The following NRG1 variants were observed in gnomAD, a reference collection of about 807,000 sequenced individuals.
NRG1 encodes neuregulin 1.
NRG1 carries 18 observed loss-of-function variants against 63.8 expected under a neutral mutation model. That is an observed-to-expected ratio of 0.28 (90% CI 0.19 to 0.42). NRG1 has a LOEUF of 0.42. NRG1 is among the 10% of genes least tolerant of loss of function. The pLI, the probability that NRG1 is intolerant of heterozygous loss-of-function variation, is 1.00. For missense variants in NRG1, 762 were observed against 814.7 expected (o/e 0.94, Z 0.79); for synonymous variants, 302 against 301.3 (o/e 1.00, Z -0.02).
chr8:32,032,848 G>A (rs552576057), intron 1 of NRG1, among the ~76,000 whole-genome samples: 42 of 152,070 alleles, frequency 2.8e-4, no homozygotes, highest in African/African-American at 1.0e-3. Context: ...AAATCTTTGT[G>A]CCCATGTCCT....
intron 5 of NRG1, among the ~76,000 whole-genome samples, chr8:32,628,373 C>A (rs1019014180): frequency 6.6e-6 from 1 of 152,094 alleles, no homozygotes; most frequent in Non-Finnish European, 1.5e-5. Flanking sequence ...AATTTCACCT[C>A]CCTAATGTTC....
At chr8:32,175,406 C>T (rs1840597009) in intron 1 of NRG1, among the ~76,000 whole-genome samples, 2 of 152,152 alleles carry the variant, frequency 1.3e-5, no homozygotes, top group Non-Finnish European at 2.9e-5. Context: ...GAAGCATTCC[C>T]TTTGAAAACT....
chr8:32,559,255 A>C lies in NRG1; in HGVS notation c.100+10429A>C, dbSNP rs952930358. On this transcript the variant is annotated intron_variant, in intron 1 of 11. Coordinates refer to ENST00000356819, the Ensembl canonical transcript of NRG1. ...TCTCACTCTAAAATGTAAAAAAAAA[A>C]AAAAAAAATCACTACTCAGACCTTA... Among the ~76,000 whole-genome samples the C allele has an allele frequency of 4.0e-4, 60 of 150,400 alleles. 1 individual carries two copies. Among genetic ancestry groups the C allele is most frequent in the African/African-American group, 1.4e-3 (58 of 41,092 alleles).
chr8:31,681,392 A>G (rs533896770), intron 1 of NRG1, among the ~76,000 whole-genome samples: 2 of 151,408 alleles, frequency 1.3e-5, no homozygotes, highest in Non-Finnish European at 3.0e-5. Context: ...AAAAGAGAAA[A>G]CACAAATGGC....
At chr8:31,985,902 A>G (rs896897316) in intron 1 of NRG1, among the ~76,000 whole-genome samples, 1 of 152,138 alleles carries the variant, frequency 6.6e-6, no homozygotes, top group Non-Finnish European at 1.5e-5. Flanking sequence ...GCACTTGGCA[A>G]AACATTGCTT....
chr8:31,945,766 G>A (rs1466403434), intron 1 of NRG1, among the ~76,000 whole-genome samples: 7 of 152,126 alleles, frequency 4.6e-5, no homozygotes, highest in African/African-American at 1.2e-4. Context: ...TGGTGAATAA[G>A]CTGGCCCTTT....
At chr8:32,643,929 A>G (rs1852933287) in intron 5 of NRG1, among the ~76,000 whole-genome samples, 1 of 152,192 alleles carries the variant, frequency 6.6e-6, no homozygotes, top group African/African-American at 2.4e-5. Context: ...GTATGTAATC[A>G]ATAATATAAT....
chr8:32,490,262 G>T (rs766287260), intron 1 of NRG1, among the ~76,000 whole-genome samples: 1 of 151,498 alleles, frequency 6.6e-6, no homozygotes, highest in Admixed American at 6.6e-5. Flanking sequence ...CTGATATCGC[G>T]CCACTGCACT....
intron 1 of NRG1, among the ~76,000 whole-genome samples, chr8:32,509,154 G>A (rs1423115863): frequency 6.6e-6 from 1 of 151,602 alleles, no homozygotes; most frequent in Non-Finnish European, 1.5e-5. Context: ...CCAGGCTGGA[G>A]TACAGTGGTG....
chr8:32,022,450 C>T (rs1303461689), intron 1 of NRG1, among the ~76,000 whole-genome samples: 1 of 152,088 alleles, frequency 6.6e-6, no homozygotes, highest in East Asian at 1.9e-4. Flanking sequence ...GCAAATAGAC[C>T]TGTAATGCTG....
intron 1 of NRG1, among the ~76,000 whole-genome samples, chr8:31,784,931 T>C (rs1239429610): frequency 1.3e-5 from 2 of 152,156 alleles, no homozygotes; most frequent in Non-Finnish European, 2.9e-5. Context: ...CAGATCAGTG[T>C]TGTGGAGTAT....
intron 5 of NRG1, among the ~76,000 whole-genome samples, chr8:32,707,437 A>G (rs1816708807): frequency 6.6e-6 from 1 of 152,104 alleles, no homozygotes; most frequent in South Asian, 2.1e-4. Context: ...ACTGTTTCAG[A>G]GCAATTGAGG....
intron 1 of NRG1, among the ~76,000 whole-genome samples, chr8:31,902,704 C>T (rs566136324): frequency 6.6e-6 from 1 of 152,208 alleles, no homozygotes; most frequent in African/African-American, 2.4e-5. Context: ...TCCAGAAATA[C>T]ATGCTTCTTG....
intron 1 of NRG1, among the ~76,000 whole-genome samples, chr8:32,407,861 T>C (rs1352870000): frequency 1.3e-5 from 2 of 152,162 alleles, no homozygotes; most frequent in Non-Finnish European, 2.9e-5. Context: ...AATTTGACTA[T>C]AGGGTCTCAG....
At chr8:31,877,234 C>G (rs1463589553) in intron 1 of NRG1, among the ~76,000 whole-genome samples, 1 of 152,062 alleles carries the variant, frequency 6.6e-6, no homozygotes, top group Non-Finnish European at 1.5e-5. Flanking sequence ...TTTTAGAAAG[C>G]CATTTCGAAC....
chr8:32,661,896 C>A (rs1463810247), intron 5 of NRG1, among the ~76,000 whole-genome samples: 1 of 152,074 alleles, frequency 6.6e-6, no homozygotes, highest in Non-Finnish European at 1.5e-5. Context: ...TTAAAAGGTA[C>A]AAACATACAG....
At chr8:32,549,290 G>T (rs576598304) in intron 1 of NRG1, among the ~76,000 whole-genome samples, 1 of 152,374 alleles carries the variant, frequency 6.6e-6, no homozygotes, top group African/African-American at 2.4e-5. Flanking sequence ...CGGTGTGCCT[G>T]GCAGCGCAGA....
intron 1 of NRG1, among the ~76,000 whole-genome samples, chr8:31,677,324 A>C (rs542754667): frequency 6.6e-6 from 1 of 152,274 alleles, no homozygotes; most frequent in African/African-American, 2.4e-5. Flanking sequence ...AAAAATTTCA[A>C]GTGTTTTTTA....
At chr8:32,592,452 C>A (rs1260155127) in intron 1 of NRG1, among the ~76,000 whole-genome samples, 1 of 152,182 alleles carries the variant, frequency 6.6e-6, no homozygotes, top group South Asian at 2.1e-4. Context: ...TTACAGTCTT[C>A]TTTTGTTATT....
Sources: allele counts gnomAD v4.1 joint callset (sites outside exome capture counted in the v4.1 genomes callset), GRCh38; gene constraint gnomAD v4.1.1; transcripts MANE v1.5; gene names NCBI Gene and HGNC (gene_info 2026-07-23, HGNC 2026-07-21).